Variants in EFCAB6 observed in about 807,000 individuals in gnomAD.
EFCAB6 encodes the protein EF-hand calcium-binding domain-containing protein 6.
A neutral mutation model predicts 169.8 loss-of-function variants in EFCAB6; 156 were observed. The observed-to-expected ratio is 0.92, with a 90% confidence interval of 0.81 to 1.05. The LOEUF is 1.05. Ranked by LOEUF, EFCAB6 falls within the 50% of genes least tolerant of loss-of-function variation. The pLI, the probability that EFCAB6 is intolerant of heterozygous loss-of-function variation, is 0.00. For synonymous variants in EFCAB6, 698 were observed against 676.4 expected (o/e 1.03, Z -0.50); for missense variants, 1,800 against 1,829.1 (o/e 0.98, Z 0.29).
At chr22:43,614,219 C>T (rs1052670103) in intron 21 of EFCAB6, among the ~76,000 whole-genome samples, 8 of 130,004 alleles carry the variant, frequency 6.2e-5, no homozygotes, top group African/African-American at 2.4e-4. Context: ...ACTGACACTA[C>T]CTGATGGCCA....
chr22:43,752,188 G>C (rs1369297113), intron 6 of EFCAB6, among the ~76,000 whole-genome samples: 4 of 147,194 alleles, frequency 2.7e-5, no homozygotes, highest in Non-Finnish European at 5.9e-5. Context: ...CACTATCTCG[G>C]CTTACTGCAA....
At position 43,782,191 on chromosome 22, in the gene EFCAB6, C is replaced by A. The variant is rs2061844528; in HGVS notation, c.128G>T (p.Arg43Ile). Residue 43 changes from arginine (R) to isoleucine (I), a missense_variant, in exon 3 of 32, where the codon AGA becomes ATA. Physicochemically the swap from Arg to Ile is moderately conservative, Grantham distance 97. Coordinates refer to ENST00000262726, the MANE Select transcript of EFCAB6 (RefSeq NM_022785.4). ...TCATGAATACTTACTTGAAGAAGAT[C>A]TGAACTTATTTGGGGAACCATTCCT... ...YSRNGSPNKF[R>I]SSSTTAVANP... 10 of 1,611,902 alleles carry A rather than the reference C, an allele frequency of 6.2e-6. No homozygotes were observed. The highest frequency in any genetic ancestry group is 8.5e-6 in the Non-Finnish European group (10 of 1,179,354).
At chr22:43,761,783 C>A (rs1022027299) in intron 5 of EFCAB6, among the ~76,000 whole-genome samples, 4 of 151,580 alleles carry the variant, frequency 2.6e-5, no homozygotes, top group Non-Finnish European at 5.9e-5. Flanking sequence ...TTGTAGTCCT[C>A]CTTCTTTGAT....
At chr22:43,752,699 T>G (rs1311659419) in intron 6 of EFCAB6, among the ~76,000 whole-genome samples, 2 of 152,216 alleles carry the variant, frequency 1.3e-5, no homozygotes, top group Non-Finnish European at 2.9e-5. Context: ...TCAAAGCATC[T>G]GCCTGGAGTG....
Position 43,579,940 on chromosome 22 carries a change from C to T in EFCAB6, c.3228+524G>A, listed in dbSNP as rs147575790. On this transcript the variant is annotated intron_variant, in intron 25 of 31. Transcript: ENST00000262726. ...ATTCCCTACACGCAGGCATCATTGC[C>T]TACATGCAAGCATCATTCCATACAC... Among the ~76,000 whole-genome samples, 185 of 151,960 alleles carry T rather than the reference C, an allele frequency of 1.2e-3. 1 individual carries two copies. In the Middle Eastern group the frequency reaches 0.058, roughly 48 times the overall value.
intron 26 of EFCAB6, among the ~76,000 whole-genome samples, chr22:43,574,143 A>G (rs1410357674): frequency 6.6e-6 from 1 of 152,134 alleles, no homozygotes; most frequent in Non-Finnish European, 1.5e-5. Context: ...TGGAAAAAAA[A>G]AATCCTAAAT....
chr22:43,624,302 TTG>T lies in EFCAB6; in HGVS notation c.2465+2143_2465+2144del, dbSNP rs201189530. ...TCACTGGGCTGCAGCCTCTCCTCCT[TTG>T]TGTCCATCCTCCACTCCAGGGTACA... On this transcript the variant is annotated intron_variant, in intron 20 of 31. Coordinates refer to ENST00000262726, the MANE Select transcript of EFCAB6 (RefSeq NM_022785.4). Among the ~76,000 whole-genome samples, 779 of 152,232 alleles carry T rather than the reference TTG, an allele frequency of 5.1e-3. 11 individuals carry two copies. Among genetic ancestry groups the T allele is most frequent in the African/African-American group, 0.018 (737 of 41,534 alleles).
chr22:43,788,423 T>C (rs1603375467), intron 2 of EFCAB6, among the ~76,000 whole-genome samples: 2 of 152,238 alleles, frequency 1.3e-5, no homozygotes, highest in Non-Finnish European at 2.9e-5. Context: ...GGGCTAGGGA[T>C]TTGAATAGAC....
intron 3 of EFCAB6, among the ~76,000 whole-genome samples, chr22:43,775,434 C>T (rs2061608093): frequency 6.6e-6 from 1 of 152,080 alleles, no homozygotes. Flanking sequence ...CTGCTACGGC[C>T]TCTGCCTGGT....
intron 17 of EFCAB6, among the ~76,000 whole-genome samples, chr22:43,657,899 C>G (rs1335439509): frequency 6.6e-6 from 1 of 152,150 alleles, no homozygotes; most frequent in Admixed American, 6.5e-5. Context: ...TTAAAACAAC[C>G]AGAAAAGCCC....
intron 17 of EFCAB6, among the ~76,000 whole-genome samples, chr22:43,639,220 T>A (rs1165322093): frequency 6.6e-6 from 1 of 152,232 alleles, no homozygotes; most frequent in African/African-American, 2.4e-5. Context: ...TTACCATTTC[T>A]AATGTTCTTT....
At chr22:43,656,390 CT>C (rs1197909534) in intron 17 of EFCAB6, among the ~76,000 whole-genome samples, 1 of 146,350 alleles carries the variant, frequency 6.8e-6, no homozygotes, top group African/African-American at 2.6e-5. Flanking sequence ...AAAACGCCAT[CT>C]AAAAAAAAAA....
chr22:43,625,553 G>A (rs2054447231), intron 20 of EFCAB6, among the ~76,000 whole-genome samples: 1 of 152,138 alleles, frequency 6.6e-6, no homozygotes, highest in East Asian at 1.9e-4. Context: ...AGGAGTGTAC[G>A]TGCTCCCTGG....
chr22:43,593,109 A>T (rs923846274), intron 23 of EFCAB6, among the ~76,000 whole-genome samples: 5 of 152,068 alleles, frequency 3.3e-5, no homozygotes, highest in African/African-American at 1.2e-4. Context: ...CATTGGAAAG[A>T]CCCACTGACA....
chr22:43,759,320 T>C (rs747822010), intron 5 of EFCAB6: 2 of 152,216 alleles, frequency 1.3e-5, no homozygotes, highest in Admixed American at 1.3e-4. Context: ...CTTTAGGAGA[T>C]TTTTCTTCAG....
chr22:43,786,031 C>A (rs534108293), intron 2 of EFCAB6, among the ~76,000 whole-genome samples: 1 of 152,256 alleles, frequency 6.6e-6, no homozygotes, highest in African/African-American at 2.4e-5. Context: ...AGAACCAGGA[C>A]CAGATGAGTT....
chr22:43,721,780 C>A (rs1416544158), intron 8 of EFCAB6, among the ~76,000 whole-genome samples: 6 of 152,072 alleles, frequency 3.9e-5, no homozygotes, highest in African/African-American at 1.4e-4. Flanking sequence ...AGACCTCAAA[C>A]TATAAAAATC....
chr22:43,788,377 C>A lies in EFCAB6; in HGVS notation c.-7-6052G>T, dbSNP rs189263828. The stretch of plus-strand genomic sequence containing the variant: ...CAGAATATATTAGGAACTCTTACAG[C>A]TCAATAATAAGGGACAAATAACCCA... On this transcript the variant is annotated intron_variant, in intron 2 of 31. Transcript: ENST00000262726. Among the ~76,000 whole-genome samples, 65 of 152,150 alleles carry A rather than the reference C, an allele frequency of 4.3e-4. 1 individual carries two copies. In the Middle Eastern group the frequency reaches 0.02, roughly 48 times the overall value.
intron 28 of EFCAB6, among the ~76,000 whole-genome samples, chr22:43,538,708 C>T (rs778485202): frequency 9.9e-5 from 15 of 152,200 alleles, no homozygotes; most frequent in South Asian, 2.1e-4. Context: ...TTTAAAGAGT[C>T]CCTCAGATTA....
Sources: allele counts gnomAD v4.1 joint callset (sites outside exome capture counted in the v4.1 genomes callset), GRCh38; gene constraint gnomAD v4.1.1; transcripts MANE v1.5; gene names NCBI Gene and HGNC (gene_info 2026-07-23, HGNC 2026-07-21).